PDE4D: variants seen among roughly 807,000 people sequenced by gnomAD.
PDE4D encodes the protein 3',5'-cyclic-AMP phosphodiesterase 4D.
A neutral mutation model predicts 87.4 loss-of-function variants in PDE4D; 24 were observed. That is an observed-to-expected ratio of 0.27 (90% CI 0.20 to 0.39). The LOEUF is 0.39. Ranked by LOEUF, PDE4D falls within the 10% of genes least tolerant of loss-of-function variation. The pLI is 1.00. For synonymous variants in PDE4D, 384 were observed against 383.2 expected, an observed-to-expected ratio of 1.00 and a Z score of -0.02; for missense variants, 714 against 1,041.0, an observed-to-expected ratio of 0.69 and a Z score of 4.32.
chr5:59,473,083 G>GAAAAAAAAAAAAAAAAAA (rs10573988), intron 1 of PDE4D, among the ~76,000 whole-genome samples: 1 of 92,118 alleles, frequency 1.1e-5, no homozygotes, highest in Non-Finnish European at 2.3e-5. Flanking sequence ...GCTTTCTCAT[G>GAAAAAAAAAAAAAAAAAA]AAAAAAAAAA....
chr5:60,036,049 T>A (rs1767758276), intron 2 of PDE4D, among the ~76,000 whole-genome samples: 1 of 152,222 alleles, frequency 6.6e-6, no homozygotes, highest in South Asian at 2.1e-4. Context: ...TGTTTCAAAA[T>A]AAAGTTTGGC....
intron 5 of PDE4D, among the ~76,000 whole-genome samples, chr5:59,102,747 C>G (rs893846312): frequency 1.3e-5 from 2 of 152,112 alleles, no homozygotes; most frequent in African/African-American, 4.8e-5. Flanking sequence ...AGGACCCACC[C>G]CAGAAGTACT....
At chr5:59,286,788 TAAAATA>T (rs1192082465) in intron 1 of PDE4D, among the ~76,000 whole-genome samples, 2 of 152,234 alleles carry the variant, frequency 1.3e-5, no homozygotes, top group African/African-American at 4.8e-5. Flanking sequence ...GATATTTCAT[TAAAATA>T]AAATACAATA....
intron 1 of PDE4D, chr5:60,335,255 G>A (rs1757649165): frequency 6.6e-6 from 1 of 152,254 alleles, no homozygotes; most frequent in Non-Finnish European, 1.5e-5. Context: ...TTTGCACAGA[G>A]GAGACTGTGT....
At chr5:59,105,269 A>G (rs1017039511) in intron 5 of PDE4D, among the ~76,000 whole-genome samples, 19 of 152,226 alleles carry the variant, frequency 1.2e-4, no homozygotes, top group Non-Finnish European at 4.4e-5. Context: ...AGAGTTTTGT[A>G]AACTGAATTT....
At chr5:60,368,388 C>T (rs973392352) in intron 1 of PDE4D, among the ~76,000 whole-genome samples, 5 of 152,100 alleles carry the variant, frequency 3.3e-5, no homozygotes, top group Admixed American at 2.0e-4. Flanking sequence ...CTGGGAATAT[C>T]GTGACCTGTG....
At chr5:59,080,133 A>G (rs987503731) in intron 5 of PDE4D, among the ~76,000 whole-genome samples, 102 of 152,284 alleles carry the variant, frequency 6.7e-4, no homozygotes, top group African/African-American at 2.5e-3. Context: ...CATTATCTCA[A>G]GCTACTGACC....
rs1281219550 is a variant in PDE4D at position 59,543,158 on chromosome 5, G to A, written c.456-327190C>T. Among the ~76,000 whole-genome samples the A allele has an allele frequency of 2.6e-5, 4 of 152,222 alleles. No homozygotes were observed. In the South Asian group the frequency reaches 6.2e-4, roughly 24 times the overall value. On this transcript the variant is annotated intron_variant, in intron 1 of 14. Coordinates refer to ENST00000340635, the MANE Select transcript of PDE4D (RefSeq NM_001104631.2). The stretch of plus-strand genomic sequence containing the variant: ...GCCAGCTGGACTTTCATCATGAAAC[G>A]ACACAGAAATAAATTATTCTGTACT...
intron 6 of PDE4D, among the ~76,000 whole-genome samples, chr5:59,021,347 T>C (rs1392835420): frequency 6.6e-6 from 1 of 152,190 alleles, no homozygotes; most frequent in African/African-American, 2.4e-5. Context: ...GGCCATCACA[T>C]ATGCAAGCTG....
intron 1 of PDE4D, among the ~76,000 whole-genome samples, chr5:60,469,661 A>C (rs1747667411): frequency 6.6e-6 from 1 of 152,066 alleles, no homozygotes; most frequent in African/African-American, 2.4e-5. Context: ...TAATATTTAA[A>C]ATTTTTCATT....
intron 10 of PDE4D, among the ~76,000 whole-genome samples, 179 bp from the exon 11 acceptor site, chr5:58,988,771 G>A (rs1747159977): frequency 6.6e-6 from 1 of 152,072 alleles, no homozygotes; most frequent in Non-Finnish European, 1.5e-5. Flanking sequence ...AATCTTGGAA[G>A]AAAATATTTT....
chr5:59,206,036 A>G lies in PDE4D; in HGVS notation c.647+9741T>C, dbSNP rs991063210. Among the ~76,000 whole-genome samples the G allele has an allele frequency of 2.0e-5, 3 of 152,144 alleles. No individual in the cohort carries two copies. The East Asian group carries it at 5.8e-4, about 29-fold the overall frequency. On this transcript the variant is annotated intron_variant, in intron 2 of 14. Transcript: ENST00000340635. ...AGGGTTGCAGGAATTGACACATTAT[A>G]TATGTTTAGATACAACTTTCCAGTA...
At chr5:59,847,797 C>T (rs562068983) in intron 1 of PDE4D, among the ~76,000 whole-genome samples, 9 of 152,170 alleles carry the variant, frequency 5.9e-5, no homozygotes, top group East Asian at 1.9e-4. Context: ...CATTGGCCTG[C>T]GCCAAGTTAT....
chr5:59,110,905 A>C (rs1772513433), intron 5 of PDE4D, among the ~76,000 whole-genome samples: 1 of 152,138 alleles, frequency 6.6e-6, no homozygotes, highest in South Asian at 2.1e-4. Flanking sequence ...GAGGTTAGGA[A>C]GCACAAGGTC....
intron 1 of PDE4D, among the ~76,000 whole-genome samples, chr5:59,361,321 C>A (rs1782189652): frequency 6.6e-6 from 1 of 152,094 alleles, no homozygotes; most frequent in African/African-American, 2.4e-5. Context: ...CTTTAAAAAT[C>A]TTGAAATCAA....
chr5:60,388,107 G>A (rs146179630), intron 1 of PDE4D, among the ~76,000 whole-genome samples: 35 of 152,208 alleles, frequency 2.3e-4, no homozygotes, highest in African/African-American at 4.1e-4. Context: ...GAGCTTCTGC[G>A]TCCTCCGTAG....
chr5:59,248,677 A>G (rs1201506672), intron 1 of PDE4D, among the ~76,000 whole-genome samples: 1 of 151,812 alleles, frequency 6.6e-6, no homozygotes, highest in Non-Finnish European at 1.5e-5. Context: ...TTTTTTTTCT[A>G]CTTGTTTCTA....
At chr5:59,003,497 C>G (rs201615190) in intron 6 of PDE4D, among the ~76,000 whole-genome samples, 4 of 152,186 alleles carry the variant, frequency 2.6e-5, no homozygotes, top group East Asian at 1.9e-4. Flanking sequence ...AATATTCCAG[C>G]CTTTTTCCAA....
chr5:59,719,400 T>C (rs1755508681), intron 1 of PDE4D, among the ~76,000 whole-genome samples: 1 of 152,138 alleles, frequency 6.6e-6, no homozygotes, highest in Non-Finnish European at 1.5e-5. Flanking sequence ...GCATGGATAA[T>C]AGTAAAATAT....
Sources: allele counts gnomAD v4.1 joint callset (sites outside exome capture counted in the v4.1 genomes callset), GRCh38; gene constraint gnomAD v4.1.1; transcripts MANE v1.5; gene names NCBI Gene and HGNC (gene_info 2026-07-23, HGNC 2026-07-21).